The following ARID4B variants were observed in gnomAD, a reference collection of about 807,000 sequenced individuals.
ARID4B encodes the protein AT-rich interactive domain-containing protein 4B.
ARID4B carries 26 observed loss-of-function variants against 147.5 expected under a neutral mutation model. The observed-to-expected ratio is 0.18, with a 90% CI of 0.13 to 0.24. ARID4B has a LOEUF of 0.24. Ranked by LOEUF, ARID4B falls within the 10% of genes least tolerant of loss-of-function variation. ARID4B has a pLI of 1.00. For missense variants in ARID4B, 1,179 were observed against 1,511.5 expected (o/e 0.78, Z 3.65); for synonymous variants, 512 against 507.9 (o/e 1.01, Z -0.11).
intron 2 of ARID4B, among the ~76,000 whole-genome samples, chr1:235,313,332 G>A (rs537867127): frequency 7.3e-6 from 1 of 137,588 alleles, no homozygotes; most frequent in African/African-American, 2.5e-5. Context: ...GCATGCCTAA[G>A]TTGAATTTTT....
chr1:235,275,228 G>A (rs1450092218), intron 2 of ARID4B, among the ~76,000 whole-genome samples: 1 of 152,172 alleles, frequency 6.6e-6, no homozygotes, highest in Non-Finnish European at 1.5e-5. Context: ...AAAGAGATAT[G>A]TTCTGGCAAT....
chr1:235,255,166 A>G (rs1177164903), intron 5 of ARID4B, among the ~76,000 whole-genome samples: 1 of 151,602 alleles, frequency 6.6e-6, no homozygotes. Context: ...GAAAAAATAA[A>G]CTAGCACATC....
At chr1:235,288,240 C>T (rs1053295807) in intron 2 of ARID4B, among the ~76,000 whole-genome samples, 1 of 151,816 alleles carries the variant, frequency 6.6e-6, no homozygotes, top group Non-Finnish European at 1.5e-5. Context: ...ACTCAGGAGA[C>T]GGAGATTGCA....
chr1:235,221,591 T>C lies in ARID4B; in HGVS notation c.1137A>G (p.Gly379=), dbSNP rs1667470482. 1 of 1,608,496 alleles carries C rather than the reference T, an allele frequency of 6.2e-7. No homozygotes were observed. The highest frequency in any genetic ancestry group is 1.3e-5 in the African/African-American group (1 of 74,786). The part of the protein sequence containing the change: ...LGIPVLNSAA[G]YNVKCAYKKY... ...TTTTATAAGCACATTTAACATTGTA[T>C]CCTGCAGCTGAATTTAAGACAGGGA... The change falls in exon 14 of 24, where the codon GGA becomes GGG. Residue 379 remains glycine, a synonymous_variant. Transcript: ENST00000264183.
At chr1:235,243,022 A>G (rs774768478) in intron 7 of ARID4B, among the ~76,000 whole-genome samples, 8 of 152,132 alleles carry the variant, frequency 5.3e-5, no homozygotes, top group Non-Finnish European at 1.2e-4. Context: ...TGTGAATCCA[A>G]TGTTTAATTC....
chr1:235,178,608 A>G (rs1664054120), intron 20 of ARID4B, among the ~76,000 whole-genome samples: 1 of 152,190 alleles, frequency 6.6e-6, no homozygotes, highest in South Asian at 2.1e-4. Context: ...TCACTGATCA[A>G]TCACTACTCT....
chr1:235,236,612 C>G (rs956562551), intron 8 of ARID4B, among the ~76,000 whole-genome samples: 19 of 150,712 alleles, frequency 1.3e-4, no homozygotes, highest in Non-Finnish European at 2.5e-4. Flanking sequence ...CTCCCGTGTT[C>G]AAGCAATTCT....
At chr1:235,281,663 T>C (rs1671680771) in intron 2 of ARID4B, among the ~76,000 whole-genome samples, 1 of 152,146 alleles carries the variant, frequency 6.6e-6, no homozygotes, top group South Asian at 2.1e-4. Context: ...TGAGTTGTTA[T>C]CATGCCTCTG....
chr1:235,319,428 GAGCCCA>G (rs1674667506), intron 2 of ARID4B, among the ~76,000 whole-genome samples: 1 of 152,134 alleles, frequency 6.6e-6, no homozygotes, highest in Non-Finnish European at 1.5e-5. Context: ...AGGATCACAT[GAGCCCA>G]CTGAAGATCA....
rs539907284 is a variant in ARID4B at position 235,195,493 on chromosome 1, T to A, written c.1926+538A>T. ...CTGTAATCCCAGCTACTCGGGAGGC[T>A]GAGGCATGAGAATCGCTTGAACTGG... On this transcript the variant is annotated intron_variant, in intron 18 of 23. Coordinates refer to ENST00000264183, the MANE Select transcript of ARID4B (RefSeq NM_016374.6). Among the ~76,000 whole-genome samples, 9 of 151,788 alleles carry A rather than the reference T, an allele frequency of 5.9e-5. No homozygotes were observed. The East Asian group carries it at 1.7e-3, about 29-fold the overall frequency.
At chr1:235,216,936 A>T (rs1012642808) in intron 16 of ARID4B, among the ~76,000 whole-genome samples, 1 of 152,090 alleles carries the variant, frequency 6.6e-6, no homozygotes, top group Admixed American at 6.6e-5. Context: ...TGAGATATAG[A>T]ATCAAAATTC....
chr1:235,213,785 A>G lies in ARID4B; in HGVS notation c.1825T>C (p.Cys609Arg). The G allele has an allele frequency of 6.2e-7, 1 of 1,613,316 alleles. No individual in the cohort carries two copies. Among genetic ancestry groups the G allele is most frequent in the Non-Finnish European group, 8.5e-7 (1 of 1,179,530 alleles). ...GGEVLYLVHY[C>R]GWNVRYDEWI... Reference sequence around the variant, plus strand: ...TCAAGTTACCTCACATTCCATCCGCAGTAATGCACCAAGTAAAGGACCTCT... The same window carrying G: ...TCAAGTTACCTCACATTCCATCCGCGGTAATGCACCAAGTAAAGGACCTCT... The change falls in exon 17 of 24, where the codon TGC (cysteine) becomes CGC (arginine). Residue 609 changes from cysteine to arginine, a missense_variant. Coordinates refer to ENST00000264183, the MANE Select transcript of ARID4B (RefSeq NM_016374.6).
In ARID4B at chr1:235,292,825, A is replaced by G. The variant is rs538037721; in HGVS notation, c.7-32073T>C. 2.6e-5 allele frequency among the ~76,000 whole-genome samples: 4 copies of G among 152,354 alleles called. No homozygotes were observed. The South Asian group carries it at 8.3e-4, about 32-fold the overall frequency. On this transcript the variant is annotated intron_variant, in intron 2 of 23. Coordinates refer to ENST00000264183, the MANE Select transcript of ARID4B (RefSeq NM_016374.6). ...TTTATGTAACAGTAACAGAACAGGT[A>G]CAACATGGACCCCAAAGTCTCTGCT...
At chr1:235,289,469 T>C (rs890104000) in intron 2 of ARID4B, among the ~76,000 whole-genome samples, 3 of 152,148 alleles carry the variant, frequency 2.0e-5, no homozygotes, top group African/African-American at 4.8e-5. Flanking sequence ...TTCACTCCTA[T>C]AGTCCCAACA....
At chr1:235,186,993 G>A (rs1306165950) in intron 19 of ARID4B, 1 of 333,238 alleles carries the variant, frequency 3.0e-6, no homozygotes, top group Admixed American at 4.1e-5. Flanking sequence ...ACTGTGCCTG[G>A]CCTTTAGATT....
At chr1:235,216,797 A>AT (rs34202776) in intron 16 of ARID4B, among the ~76,000 whole-genome samples, 1 of 151,444 alleles carries the variant, frequency 6.6e-6, no homozygotes, top group South Asian at 2.1e-4. Flanking sequence ...AATTAAAACA[A>AT]TTTTTTTTTG....
At chr1:235,240,534 C>T (rs1476114232) in intron 7 of ARID4B, 83 bp from the exon 8 acceptor site, 2 of 1,287,652 alleles carry the variant, frequency 1.6e-6, no homozygotes, top group South Asian at 2.5e-5. Context: ...TATTCCCAAA[C>T]TCTTATTACA....
At chr1:235,222,556 TG>T (rs1202213593) in intron 13 of ARID4B, among the ~76,000 whole-genome samples, 4 of 151,800 alleles carry the variant, frequency 2.6e-5, no homozygotes, top group Admixed American at 2.0e-4. Flanking sequence ...TACTGTCTAA[TG>T]AAAAAGAGAC....
intron 16 of ARID4B, among the ~76,000 whole-genome samples, chr1:235,215,598 T>A (rs997170250): frequency 1.3e-5 from 2 of 149,254 alleles, no homozygotes; most frequent in African/African-American, 4.9e-5. Context: ...TTTCCCCCCC[T>A]TGGAGACATG....
Sources: allele counts gnomAD v4.1 joint callset (sites outside exome capture counted in the v4.1 genomes callset), GRCh38; gene constraint gnomAD v4.1.1; transcripts MANE v1.5; gene names NCBI Gene and HGNC (gene_info 2026-07-23, HGNC 2026-07-21).